The following TMCO4 variants were observed in gnomAD, a reference collection of about 807,000 sequenced individuals.
TMCO4 encodes the protein transmembrane and coiled-coil domains 4.
In TMCO4, 58 loss-of-function variants were observed where a neutral mutation model predicts 64.7. The observed-to-expected ratio is 0.90, with a 90% confidence interval of 0.73 to 1.12. The LOEUF (loss-of-function observed/expected upper bound fraction) is 1.12. Ranked by LOEUF, TMCO4 falls within the 50% of genes most tolerant of loss-of-function variation. TMCO4 has a pLI of 0.00. For synonymous variants in TMCO4, 325 were observed against 346.1 expected (o/e 0.94, Z 0.68); for missense variants, 780 against 825.9 (o/e 0.94, Z 0.68).
chr1:19,787,438 G>A (rs1037007501), intron 2 of TMCO4, among the ~76,000 whole-genome samples: 1 of 152,182 alleles, frequency 6.6e-6, no homozygotes, highest in African/African-American at 2.4e-5. Flanking sequence ...GTTCCTCAGC[G>A]GGCACCCTGT....
At chr1:19,697,101 T>C (rs2095241889) in intron 14 of TMCO4, among the ~76,000 whole-genome samples, 1 of 152,234 alleles carries the variant, frequency 6.6e-6, no homozygotes, top group Non-Finnish European at 1.5e-5. Flanking sequence ...GCCGCGGGCA[T>C]GACTATTAGC....
At chr1:19,718,078 A>G (rs2100721794) in intron 13 of TMCO4, among the ~76,000 whole-genome samples, 1 of 152,208 alleles carries the variant, frequency 6.6e-6, no homozygotes, top group East Asian at 1.9e-4. Flanking sequence ...CATGCCTATA[A>G]TTGTAGCACT....
Position 19,734,950 on chromosome 1 carries a change from C to A in TMCO4, c.1264+2422G>T, listed in dbSNP as rs960837962. ...GAACACAGCCTGGCACCCGGTGGATCTGCACTAGCTCGTGGGCACAGCAGC... is the reference window on the plus strand; with the variant it reads ...GAACACAGCCTGGCACCCGGTGGATATGCACTAGCTCGTGGGCACAGCAGC... On this transcript the variant is annotated intron_variant, in intron 13 of 15. Transcript: ENST00000294543. The surrounding 1 kb of genome is among the most constrained non-coding windows in gnomAD (Gnocchi z 4.4). Among the ~76,000 whole-genome samples, 1 of 152,164 alleles carries A rather than the reference C, an allele frequency of 6.6e-6. No homozygotes were observed. The highest frequency in any genetic ancestry group is 2.1e-4 in the South Asian group (1 of 4,824).
intron 13 of TMCO4, among the ~76,000 whole-genome samples, chr1:19,707,669 G>T (rs200460684): frequency 2.6e-5 from 4 of 152,116 alleles, no homozygotes; most frequent in African/African-American, 9.7e-5. Context: ...CATGCCACAT[G>T]CAGGTTTAGG....
chr1:19,711,103 A>T (rs530660667), intron 13 of TMCO4, among the ~76,000 whole-genome samples: 6 of 152,346 alleles, frequency 3.9e-5, no homozygotes, highest in African/African-American at 1.4e-4. Flanking sequence ...GCTGCTGGTA[A>T]GCTGCAGGCG....
intron 14 of TMCO4, among the ~76,000 whole-genome samples, chr1:19,698,005 T>C (rs1180911902): frequency 6.6e-6 from 1 of 152,124 alleles, no homozygotes; most frequent in Non-Finnish European, 1.5e-5. Flanking sequence ...TTTCCCCTTT[T>C]CTAGAAAAGC....
rs576474868 is a variant in TMCO4, at chr1:19,790,968, C to T, written c.-100-3851G>A. 1.5e-4 allele frequency among the ~76,000 whole-genome samples: 23 copies of T among 152,316 alleles called. No homozygotes were observed. The East Asian group carries it at 2.5e-3, about 17-fold the overall frequency. ...TGTGGTACATATACACCATGGAATG[C>T]TATGCAGCCATAAAAAGGAATGAGA... On this transcript the variant is annotated intron_variant, in intron 2 of 15. Transcript: ENST00000294543.
Position 19,755,717 on chromosome 1 carries a change from C to T in TMCO4, c.432G>A (p.Leu144=), listed in dbSNP as rs1305893919. Residue 144 remains leucine (L), a synonymous_variant, in exon 7 of 16, where the codon CTG becomes CTA. Coordinates refer to ENST00000294543, the MANE Select transcript of TMCO4 (RefSeq NM_181719.7). ...CCAGCTCCTCCAAGGGCACTTGGAGCAGGGAGGTCATGTGGCAAACGAGGA... is the reference window on the plus strand; with the variant it reads ...CCAGCTCCTCCAAGGGCACTTGGAGTAGGGAGGTCATGTGGCAAACGAGGA... The part of the protein sequence containing the change: ...ARVLVCHMTS[L]LQVPLEELDV... The T allele has an allele frequency of 2.5e-6, 4 of 1,614,090 alleles. No homozygotes were observed. The highest frequency in any genetic ancestry group is 3.4e-6 in the Non-Finnish European group (4 of 1,179,994).
In TMCO4 at chr1:19,683,090, A is replaced by G. The variant is rs2095115040; in HGVS notation, c.1855T>C (p.Cys619Arg). Residue 619 changes from cysteine to arginine, a missense_variant, in exon 16 of 16, where the codon TGC (cysteine) becomes CGC (arginine). Transcript: ENST00000294543. ...TGGGTCTTGCAGGCACAATCGGGGC[A>G]GCCCAGTGGGTTGGGGTCCATGCCA... Reference protein sequence around the residue: ...SHGMDPNPLGCPDCACKTQGP... With the variant: ...SHGMDPNPLGRPDCACKTQGP... 1.9e-6 allele frequency: 3 copies of G among 1,609,196 alleles called. No homozygotes were observed. The East Asian group carries it at 6.7e-5, about 36-fold the overall frequency.
At chr1:19,781,458 T>C (rs1472720644) in intron 3 of TMCO4, among the ~76,000 whole-genome samples, 5 of 143,562 alleles carry the variant, frequency 3.5e-5, no homozygotes, top group African/African-American at 1.3e-4. Context: ...TGAAACCCTG[T>C]CTCTTAAAAA....
At chr1:19,762,437 C>A (rs1418501969) in intron 6 of TMCO4, among the ~76,000 whole-genome samples, 2 of 152,172 alleles carry the variant, frequency 1.3e-5, no homozygotes, top group East Asian at 3.8e-4. Context: ...TGGTGCCCAC[C>A]CCAGACACAC....
chr1:19,793,829 A>G (rs2044174672), intron 2 of TMCO4, among the ~76,000 whole-genome samples: 1 of 151,510 alleles, frequency 6.6e-6, no homozygotes, highest in Non-Finnish European at 1.5e-5. Context: ...GCCTGCTATT[A>G]ACCACTGTCA....
intron 13 of TMCO4, among the ~76,000 whole-genome samples, chr1:19,728,021 A>G (rs565871068): frequency 9.2e-5 from 14 of 152,286 alleles, no homozygotes; most frequent in African/African-American, 2.4e-4. Context: ...GCATAAACAC[A>G]AAGAGGGGAA....
At chr1:19,742,045 CTT>C (rs914429656) in intron 10 of TMCO4, among the ~76,000 whole-genome samples, 6 of 152,058 alleles carry the variant, frequency 3.9e-5, no homozygotes, top group African/African-American at 1.4e-4. Context: ...GCGAAAGTGA[CTT>C]TTTCAAAACA....
chr1:19,733,764 A>T (rs2095440699), intron 13 of TMCO4, among the ~76,000 whole-genome samples: 1 of 152,168 alleles, frequency 6.6e-6, no homozygotes, highest in South Asian at 2.1e-4. Flanking sequence ...GCGCTGGGAA[A>T]GATGTTCAAG....
In TMCO4 at chr1:19,792,232, G is replaced by T. The variant is rs142111113; in HGVS notation, c.-100-5115C>A. On this transcript the variant is annotated intron_variant, in intron 2 of 15. Transcript: ENST00000294543. Reference sequence around the variant, plus strand: ...ACCCATACTTAACCTAGAAGAGGATGCGATCTCCAGGGAAACAATATAGAT... The same window carrying T: ...ACCCATACTTAACCTAGAAGAGGATTCGATCTCCAGGGAAACAATATAGAT... Among the ~76,000 whole-genome samples, 54 of 152,348 alleles carry T rather than the reference G, an allele frequency of 3.5e-4. No homozygotes were observed. In the East Asian group the frequency reaches 9.8e-3, roughly 28 times the overall value.
chr1:19,782,700 C>T (rs550469909), intron 3 of TMCO4, among the ~76,000 whole-genome samples: 15 of 152,126 alleles, frequency 9.9e-5, no homozygotes, highest in African/African-American at 3.1e-4. Context: ...AGAGGGGACA[C>T]GCCAAGAAGG....
At chr1:19,794,499 C>T (rs940502135) in intron 2 of TMCO4, among the ~76,000 whole-genome samples, 8 of 152,160 alleles carry the variant, frequency 5.3e-5, no homozygotes, top group Non-Finnish European at 1.2e-4. Context: ...GCAGAAATGG[C>T]AAAGTTTGTA....
At chr1:19,797,702 T>C (rs1257402712) in intron 2 of TMCO4, among the ~76,000 whole-genome samples, 1 of 151,572 alleles carries the variant, frequency 6.6e-6, no homozygotes, top group Non-Finnish European at 1.5e-5. Flanking sequence ...CCATCTCTAC[T>C]AAAATACAAA....
Sources: allele counts gnomAD v4.1 joint callset (sites outside exome capture counted in the v4.1 genomes callset), GRCh38; gene constraint gnomAD v4.1.1; non-coding constraint Gnocchi (gnomAD v3.1); transcripts MANE v1.5; gene names NCBI Gene and HGNC (gene_info 2026-07-23, HGNC 2026-07-21).